The following PSEN1 variants were observed in gnomAD, a reference collection of about 807,000 sequenced individuals.
PSEN1 encodes presenilin-1.
In PSEN1, 15 loss-of-function variants were observed where a neutral mutation model predicts 53.5. That is an observed-to-expected ratio of 0.28 (90% CI 0.19 to 0.43). The LOEUF (loss-of-function observed/expected upper bound fraction) is 0.43, where lower values mean the gene tolerates loss of function less well. Ranked by LOEUF, PSEN1 falls within the 20% of genes least tolerant of loss-of-function variation. PSEN1 has a pLI of 1.00. For synonymous variants in PSEN1, 208 were observed against 209.8 expected (o/e 0.99, Z 0.08); for missense variants, 387 against 571.2 (o/e 0.68, Z 3.29).
intron 5 of PSEN1, among the ~76,000 whole-genome samples, chr14:73,185,110 T>C (rs1416616795): frequency 6.7e-6 from 1 of 149,356 alleles, no homozygotes; most frequent in Non-Finnish European, 1.5e-5. Flanking sequence ...GAGACGCTCC[T>C]CACTTTCCAG....
chr14:73,184,704 C>T (rs1377822268), intron 5 of PSEN1, among the ~76,000 whole-genome samples: 4 of 148,320 alleles, frequency 2.7e-5, no homozygotes, highest in African/African-American at 1.0e-4. Context: ...CTGACCCCCC[C>T]ACCTCCCTCC....
chr14:73,138,983 A>G (rs1274608827), intron 1 of PSEN1, among the ~76,000 whole-genome samples: 2 of 143,778 alleles, frequency 1.4e-5, no homozygotes, highest in Non-Finnish European at 3.0e-5. Flanking sequence ...AAGAAAAAAA[A>G]TGTAAAAAGA....
Position 73,192,647 on chromosome 14 carries a change from A to G in PSEN1, c.552A>G (p.Glu184=). 6.2e-7 allele frequency: 1 copy of G among 1,608,780 alleles called. No homozygotes were observed. Among genetic ancestry groups the G allele is most frequent in the Non-Finnish European group, 8.5e-7 (1 of 1,175,162 alleles). The change falls in exon 7 of 12, where the codon GAA becomes GAG. Residue 184 remains glutamate, a synonymous_variant. Transcript: ENST00000324501. ...AATCTGTGTAATTTTTTTTCAGGGAAGTGTTTAAAACCTATAACGTTGCTG... is the reference window on the plus strand; with the variant it reads ...AATCTGTGTAATTTTTTTTCAGGGAGGTGTTTAAAACCTATAACGTTGCTG... ...LFFFSFIYLG[E]VFKTYNVAVD...
At chr14:73,201,833 G>A (rs946227092) in intron 8 of PSEN1, among the ~76,000 whole-genome samples, 1 of 151,698 alleles carries the variant, frequency 6.6e-6, no homozygotes, top group African/African-American at 2.4e-5. Context: ...TGCAACCCCC[G>A]CCTCCCAAGT....
In PSEN1 at chr14:73,223,121, G is replaced by C. The variant is rs139574327; in HGVS notation, c.*3832G>C. The C allele has an allele frequency of 2.6e-5, 4 of 152,190 alleles. No individual in the cohort carries two copies. The highest frequency in any genetic ancestry group is 6.5e-5 in the Admixed American group (1 of 15,282). The allele number at this position is 152,190 out of a possible 1,614,324, so 9.4% of individuals were successfully genotyped here. A position where few individuals can be genotyped will look rare whatever the true frequency, so the allele number is the denominator to read the frequency against. ...AGAGTGTACCAACAAAGCTGTCATC[G>C]GGCTCACAGCTCAGAGACATCTGCA... is the stretch of plus-strand genomic sequence containing the variant. On this transcript the variant is annotated 3_prime_UTR_variant, in exon 12 of 12. Transcript: ENST00000324501.
chr14:73,140,532 C>A (rs371765981), intron 1 of PSEN1, among the ~76,000 whole-genome samples: 2 of 152,202 alleles, frequency 1.3e-5, no homozygotes, highest in African/African-American at 4.8e-5. Context: ...ACTAATTTAA[C>A]AGCAAAATCT....
chr14:73,140,861 C>G (rs970476448), intron 1 of PSEN1, among the ~76,000 whole-genome samples: 7 of 152,202 alleles, frequency 4.6e-5, no homozygotes, highest in African/African-American at 1.7e-4. Flanking sequence ...AGACCTCCCC[C>G]AAACTCAGCA....
chr14:73,198,516 C>G (rs1368798084), intron 8 of PSEN1, among the ~76,000 whole-genome samples: 1 of 151,962 alleles, frequency 6.6e-6, no homozygotes, highest in Non-Finnish European at 1.5e-5. Context: ...AGAGCCGTGC[C>G]TTTGTAAGCT....
At chr14:73,185,475 A>G (rs941030538) in intron 5 of PSEN1, among the ~76,000 whole-genome samples, 1 of 152,224 alleles carries the variant, frequency 6.6e-6, no homozygotes, top group Non-Finnish European at 1.5e-5. Context: ...TGAGTCTGCA[A>G]TCGCAGGCAC....
At chr14:73,141,761 G>A (rs116521228) in intron 1 of PSEN1, among the ~76,000 whole-genome samples, 3,449 of 151,692 alleles carry the variant, frequency 0.023, 134 homozygotes, top group African/African-American at 0.076. Context: ...TTCCAGCCTG[G>A]GCGACAAGAG....
chr14:73,188,712 A>G (rs1027409522), intron 6 of PSEN1, among the ~76,000 whole-genome samples: 3 of 152,216 alleles, frequency 2.0e-5, no homozygotes, highest in African/African-American at 7.2e-5. Context: ...TGTCATCCTC[A>G]TAGGGAAGCT....
chr14:73,185,408 G>A (rs997919697), intron 5 of PSEN1, among the ~76,000 whole-genome samples: 3 of 152,200 alleles, frequency 2.0e-5, no homozygotes, highest in Non-Finnish European at 2.9e-5. Context: ...GCTGGAGACC[G>A]GCCTGGCCAA....
chr14:73,174,816 G>A (rs1005778682), intron 5 of PSEN1, among the ~76,000 whole-genome samples: 29 of 152,212 alleles, frequency 1.9e-4, no homozygotes, highest in South Asian at 2.1e-4. Context: ...GAAGTCGGGC[G>A]CTGGGAGGTT....
intron 8 of PSEN1, 55 bp downstream of exon 8, chr14:73,198,184 T>C: frequency 9.8e-7 from 1 of 1,021,470 alleles, no homozygotes; most frequent in Admixed American, 1.8e-5. Context: ...TTATCGGAAC[T>C]GAAGCACATG....
At chr14:73,197,993 C>T (rs201813306) in intron 7 of PSEN1, 38 bp from the exon 8 acceptor site, 15 of 1,159,370 alleles carry the variant, frequency 1.3e-5, no homozygotes, top group East Asian at 2.3e-5. Flanking sequence ...TTAGCCCATA[C>T]ATTTTATTAG....
rs1246549647 is a variant in PSEN1 at position 73,221,286 on chromosome 14, A to G, written c.*1997A>G. Reference sequence around the variant, plus strand: ...TTCCCTCTCTCAGACATGTGCTAGCATGGGTATTATCATTGAGAAAGCACA... The same window carrying G: ...TTCCCTCTCTCAGACATGTGCTAGCGTGGGTATTATCATTGAGAAAGCACA... On this transcript the variant is annotated 3_prime_UTR_variant, in exon 12 of 12. Coordinates refer to ENST00000324501, the MANE Select transcript of PSEN1 (RefSeq NM_000021.4). 1 of 152,182 alleles carries G rather than the reference A, an allele frequency of 6.6e-6. No individual in the cohort carries two copies. Among genetic ancestry groups the G allele is most frequent in the Non-Finnish European group, 1.5e-5 (1 of 68,032 alleles). 9.4% of individuals were successfully genotyped at this position (152,182 alleles called of 1,614,324 possible). A position where few individuals can be genotyped will look rare whatever the true frequency, so the allele number is the denominator to read the frequency against.
chr14:73,202,446 ATATATATATATATATATTTTTTTTTT>A (rs1899249619), intron 8 of PSEN1, among the ~76,000 whole-genome samples: 1 of 14,780 alleles, frequency 6.8e-5, no homozygotes, highest in African/African-American at 3.4e-4. Context: ...ATATATATAT[ATATATATATATATATATTTTTTTTTT>A]TTTTTTTTTT....
At chr14:73,195,564 A>G (rs1898905493) in intron 7 of PSEN1, among the ~76,000 whole-genome samples, 1 of 152,120 alleles carries the variant, frequency 6.6e-6, no homozygotes, top group African/African-American at 2.4e-5. Flanking sequence ...TTAATACAAT[A>G]ATACACTTAG....
Position 73,173,695 on chromosome 14 carries a change from C to T in PSEN1, c.468C>T (p.Tyr156=), listed in dbSNP as rs956638868. ...TCCTCCTGGTGGTTCTGTATAAATACAGGTGCTATAAGGTGAGCATGAGAC... is the reference window on the plus strand; with the variant it reads ...TCCTCCTGGTGGTTCTGTATAAATATAGGTGCTATAAGGTGAGCATGAGAC... ...MTILLVVLYK[Y]RCYKVIHAWL... The change falls in exon 5 of 12, where the codon TAC becomes TAT. Residue 156 remains tyrosine, a synonymous_variant. Coordinates refer to ENST00000324501, the MANE Select transcript of PSEN1 (RefSeq NM_000021.4). The T allele has an allele frequency of 2.7e-5, 44 of 1,614,042 alleles. No homozygotes were observed. The highest frequency in any genetic ancestry group is 4.0e-5 in the African/African-American group (3 of 74,932).
Sources: allele counts gnomAD v4.1 joint callset (sites outside exome capture counted in the v4.1 genomes callset), GRCh38; gene constraint gnomAD v4.1.1; transcripts MANE v1.5; gene names NCBI Gene and HGNC (gene_info 2026-07-23, HGNC 2026-07-21).